TRPC4AP: variants seen among roughly 807,000 people sequenced by gnomAD.
TRPC4AP encodes the protein short transient receptor potential channel 4-associated protein.
In TRPC4AP, 45 loss-of-function variants were observed where a neutral mutation model predicts 99.0. The observed-to-expected ratio is 0.45, with a 90% CI of 0.36 to 0.58. The LOEUF (loss-of-function observed/expected upper bound fraction) is 0.58, where lower values mean the gene tolerates loss of function less well. Ranked by LOEUF, TRPC4AP falls within the 20% of genes least tolerant of loss-of-function variation. TRPC4AP has a pLI of 0.00. For synonymous variants in TRPC4AP, 408 were observed against 385.8 expected (o/e 1.06, Z -0.67); for missense variants, 879 against 985.3 (o/e 0.89, Z 1.44).
chr20:35,024,815 G>C (rs915087452), intron 8 of TRPC4AP, among the ~76,000 whole-genome samples: 7 of 75,166 alleles, frequency 9.3e-5, no homozygotes, highest in African/African-American at 3.1e-4. Context: ...GTGACAGAGA[G>C]AGACCGTCTC....
intron 5 of TRPC4AP, among the ~76,000 whole-genome samples, chr20:35,053,576 G>C (rs952277260): frequency 6.6e-6 from 1 of 152,136 alleles, no homozygotes; most frequent in African/African-American, 2.4e-5. Context: ...GCCTATCTCT[G>C]TCATTGGCTA....
rs118040773 is a variant in TRPC4AP, at chr20:35,003,203, G to A, written c.2337C>T (p.Leu779=). The A allele has an allele frequency of 3.8e-3, 6,117 of 1,614,218 alleles. 194 individuals are homozygous for A. The East Asian group carries it at 0.072, about 19-fold the overall frequency. Residue 779 remains leucine, a synonymous_variant, in exon 19 of 19, where the codon CTC becomes CTT. Coordinates refer to ENST00000252015, the MANE Select transcript of TRPC4AP (RefSeq NM_015638.3). ...LNPDRQSPSA[L]VSYIEEPYMD... ...TGTAGGGCTCCTCAATGTAGCTAACGAGAGCAGAGGGTGACTGCCGGTCCG... is the reference window on the plus strand; with the variant it reads ...TGTAGGGCTCCTCAATGTAGCTAACAAGAGCAGAGGGTGACTGCCGGTCCG...
intron 1 of TRPC4AP, among the ~76,000 whole-genome samples, chr20:35,083,932 A>G (rs2084725258): frequency 6.6e-6 from 1 of 151,828 alleles, no homozygotes; most frequent in African/African-American, 2.4e-5. Flanking sequence ...AAACTGCAGT[A>G]GGGGAATGAA....
intron 1 of TRPC4AP, among the ~76,000 whole-genome samples, chr20:35,088,920 A>C (rs1443473210): frequency 1.3e-5 from 2 of 152,212 alleles, no homozygotes; most frequent in African/African-American, 4.8e-5. Context: ...ATGGTTACCA[A>C]GGACTGGGAG....
At chr20:35,061,573 T>C (rs7263253) in intron 3 of TRPC4AP, among the ~76,000 whole-genome samples, 12,474 of 152,202 alleles carry the variant, frequency 0.082, 594 homozygotes, top group South Asian at 0.13. Context: ...CTATGATCAG[T>C]TGATTTTTGA....
rs1569129657 is a variant in TRPC4AP, at chr20:35,057,576, A to T, written c.415-5T>A. 8.8e-6 allele frequency: 14 copies of T among 1,596,782 alleles called. No individual in the cohort carries two copies. The highest frequency in any genetic ancestry group is 1.0e-5 in the Non-Finnish European group (12 of 1,168,324). The stretch of plus-strand genomic sequence containing the variant: ...CATAAGAATTTCTACAAGAAGCTAT[A>T]AAAAAAATTAGATAAAATCTTCAAA... On this transcript the variant is annotated splice_region_variant and splice_polypyrimidine_tract_variant and intron_variant, in intron 3 of 18. Coordinates refer to ENST00000252015, the MANE Select transcript of TRPC4AP (RefSeq NM_015638.3).
In TRPC4AP at chr20:35,005,791, G is replaced by A; in HGVS notation, c.1840C>T (p.Leu614=). ...INTDAKFQVF[L]KQINSSLVDS... ...ACCAGGGAGCTGTTGATCTGCTTCA[G>A]GAATACCTGGAACTATACAGAAACC... is the stretch of plus-strand genomic sequence containing the variant. Residue 614 remains leucine (L), a synonymous_variant, in exon 16 of 19, where the codon CTG becomes TTG. Transcript: ENST00000252015. The A allele has an allele frequency of 1.2e-6, 2 of 1,614,116 alleles. No individual in the cohort carries two copies. The highest frequency in any genetic ancestry group is 2.2e-5 in the East Asian group (1 of 44,888).
At position 35,068,815 on chromosome 20, in the gene TRPC4AP, C is replaced by T. The variant is rs569634756; in HGVS notation, c.414+481G>A. Among the ~76,000 whole-genome samples the T allele has an allele frequency of 1.1e-4, 16 of 150,612 alleles. No individual in the cohort carries two copies. In the South Asian group the frequency reaches 1.3e-3, roughly 12 times the overall value. On this transcript the variant is annotated intron_variant, in intron 3 of 18. Coordinates refer to ENST00000252015, the MANE Select transcript of TRPC4AP (RefSeq NM_015638.3). ...GATTACAGGCGTGAGCCACTGCGCC[C>T]GGCCTAAAATTGTTTTAATTAAAAA...
intron 15 of TRPC4AP, 60 bp from the exon 16 acceptor site, chr20:35,005,863 C>T (rs1385046115): frequency 3.0e-5 from 46 of 1,508,840 alleles, no homozygotes; most frequent in Middle Eastern, 1.8e-4. Flanking sequence ...GGCCATGGCC[C>T]GGGGGGATAG....
chr20:35,007,076 TC>T (rs1432774304), intron 14 of TRPC4AP, among the ~76,000 whole-genome samples: 3 of 152,250 alleles, frequency 2.0e-5, no homozygotes, highest in African/African-American at 7.2e-5. Flanking sequence ...GCCAATTTAC[TC>T]CTTTATAAAG....
intron 8 of TRPC4AP, among the ~76,000 whole-genome samples, chr20:35,026,564 A>G (rs1386035633): frequency 6.6e-6 from 1 of 152,136 alleles, no homozygotes; most frequent in Non-Finnish European, 1.5e-5. Context: ...TTTCCACATG[A>G]ACTTTAGGAT....
intron 5 of TRPC4AP, among the ~76,000 whole-genome samples, chr20:35,052,689 AC>A (rs1379337163): frequency 6.6e-6 from 1 of 150,992 alleles, no homozygotes; most frequent in African/African-American, 2.4e-5. Context: ...ACGGGGTTTC[AC>A]CATGTTGGCC....
chr20:35,023,143 C>A (rs529714769), intron 8 of TRPC4AP, among the ~76,000 whole-genome samples: 1 of 152,266 alleles, frequency 6.6e-6, no homozygotes, highest in South Asian at 2.1e-4. Flanking sequence ...TGAAGTGTGA[C>A]TGAGACACAG....
intron 7 of TRPC4AP, among the ~76,000 whole-genome samples, chr20:35,037,917 C>T (rs775987742): frequency 4.6e-5 from 7 of 151,958 alleles, no homozygotes; most frequent in Admixed American, 1.3e-4. Flanking sequence ...TGCAAGTACA[C>T]TCTATGACAT....
In TRPC4AP at chr20:35,004,580, G is replaced by T. The variant is rs2082477850; in HGVS notation, c.1937-10C>A. ...GACAGTACCTCGGCAACTGTGGAGG[G>T]AGGCAGGGGTGCAGCAGGTCAGGCT... On this transcript the variant is annotated splice_polypyrimidine_tract_variant and intron_variant, in intron 16 of 18. Transcript: ENST00000252015. The T allele has an allele frequency of 6.2e-7, 1 of 1,611,620 alleles. No individual in the cohort carries two copies. Among genetic ancestry groups the T allele is most frequent in the African/African-American group, 1.3e-5 (1 of 74,900 alleles).
chr20:35,041,091 G>A (rs2083436391), intron 7 of TRPC4AP, among the ~76,000 whole-genome samples: 1 of 151,702 alleles, frequency 6.6e-6, no homozygotes, highest in Admixed American at 6.6e-5. Flanking sequence ...AACCAATCCT[G>A]ACAGCACCTT....
chr20:35,021,312 G>A lies in TRPC4AP; in HGVS notation c.1096C>T (p.Leu366=). Residue 366 remains leucine, a synonymous_variant, in exon 9 of 19, where the codon CTG becomes TTG. Transcript: ENST00000252015. ...TGGGTTCTGGCTGACGTGTGAGGCA[G>A]GCCATTCTCCTCAGAAGCCCCTGGA... The part of the protein sequence containing the change: ...PPPGASEENG[L]PHTSARTQLP... 6.2e-7 allele frequency: 1 copy of A among 1,614,184 alleles called. No individual in the cohort carries two copies. Among genetic ancestry groups the A allele is most frequent in the Non-Finnish European group, 8.5e-7 (1 of 1,180,036 alleles).
chr20:35,049,275 G>C (rs758064676), intron 6 of TRPC4AP, among the ~76,000 whole-genome samples: 5 of 145,880 alleles, frequency 3.4e-5, no homozygotes, highest in African/African-American at 1.0e-4. Context: ...TTTTTTTAAA[G>C]TTATGGGTCA....
chr20:35,068,272 G>T (rs1295117600), intron 3 of TRPC4AP, among the ~76,000 whole-genome samples: 1 of 152,138 alleles, frequency 6.6e-6, no homozygotes, highest in African/African-American at 2.4e-5. Flanking sequence ...GTTGGTGATG[G>T]TATGGGTAAA....
Sources: gnomAD v4.1 joint callset for allele counts (sites outside exome capture counted in the v4.1 genomes callset) on GRCh38, gnomAD v4.1.1 for gene constraint, MANE v1.5 for transcripts, NCBI Gene and HGNC (gene_info 2026-07-23, HGNC 2026-07-21) for gene names.